The following PRDM10 variants were observed in gnomAD, a reference collection of about 807,000 sequenced individuals.
PRDM10 encodes PR domain zinc finger protein 10.
Under a neutral mutation model 133.1 loss-of-function variants are expected in PRDM10, and 65 were observed. The ratio of observed to expected loss-of-function variants is 0.49; its 90% CI spans 0.40 to 0.60. PRDM10 has a LOEUF of 0.60. Ranked by LOEUF, PRDM10 falls within the 20% of genes least tolerant of loss-of-function variation. The pLI is 0.00. For missense variants in PRDM10, 1,137 were observed against 1,507.1 expected, an observed-to-expected ratio of 0.75 and a Z score of 4.07; for synonymous variants, 582 against 580.4, an observed-to-expected ratio of 1.00 and a Z score of -0.04.
intron 3 of PRDM10, among the ~76,000 whole-genome samples, chr11:129,956,305 C>T (rs767060382): frequency 1.2e-4 from 19 of 152,196 alleles, no homozygotes; most frequent in Non-Finnish European, 1.8e-4. Context: ...CGGTGACTCA[C>T]GCCTGTAATC....
chr11:129,976,836 C>G (rs993800803), intron 1 of PRDM10, among the ~76,000 whole-genome samples: 2 of 151,996 alleles, frequency 1.3e-5, no homozygotes, highest in African/African-American at 4.8e-5. Context: ...CAAAATAATA[C>G]AAATTCCAGC....
At chr11:129,917,724 G>A (rs1950401420) in intron 14 of PRDM10, among the ~76,000 whole-genome samples, 1 of 152,244 alleles carries the variant, frequency 6.6e-6, no homozygotes, top group African/African-American at 2.4e-5. Flanking sequence ...AATGAGTTGA[G>A]AGCAGAGCAC....
rs1950643666 is a variant in PRDM10 at position 129,925,312 on chromosome 11, T to C, written c.1531-83A>G. 3.1e-6 allele frequency: 4 copies of C among 1,281,130 alleles called. No homozygotes were observed. The South Asian group carries it at 4.4e-5, about 14-fold the overall frequency. 79.4% of individuals were successfully genotyped at this position (1,281,130 alleles called of 1,614,324 possible). On this transcript the variant is annotated intron_variant, in intron 11 of 20. Coordinates refer to ENST00000360871, the MANE Select transcript of PRDM10 (RefSeq NM_199437.2). ...CACACTTTTACAGAGAAAGAGAGGA[T>C]GATCTCTGCAATCACAGACTTCCCA...
chr11:129,907,514 C>T (rs1783918), intron 19 of PRDM10, among the ~76,000 whole-genome samples: 19,344 of 152,020 alleles, frequency 0.13, 1,321 homozygotes, highest in Middle Eastern at 0.17. Context: ...AAGCGATTCT[C>T]CTGCCTTGGC....
At position 129,972,942 on chromosome 11, in the gene PRDM10, G is replaced by A. The variant is rs554240800; in HGVS notation, c.-118-11860C>T. On this transcript the variant is annotated intron_variant, in intron 1 of 20. Coordinates refer to ENST00000360871, the MANE Select transcript of PRDM10 (RefSeq NM_199437.2). ...TCGTCCTTCAAAAACCCAGGCCTTTGAAGGTGGTCCCCTGGCAAGAGACGA... is the reference window on the plus strand; with the variant it reads ...TCGTCCTTCAAAAACCCAGGCCTTTAAAGGTGGTCCCCTGGCAAGAGACGA... Among the ~76,000 whole-genome samples the A allele has an allele frequency of 1.4e-4, 21 of 152,296 alleles. No homozygotes were observed. The East Asian group carries it at 4.0e-3, about 29-fold the overall frequency.
At position 129,942,545 on chromosome 11, in the gene PRDM10, A is replaced by G; in HGVS notation, c.847T>C (p.Trp283Arg). 1 of 1,613,704 alleles carries G rather than the reference A, an allele frequency of 6.2e-7. No individual in the cohort carries two copies. The change falls in exon 7 of 21, where the codon TGG becomes CGG. Residue 283 changes from tryptophan to arginine, a missense_variant. Transcript: ENST00000360871. ...TGGGCTGGCCGTACAAACATCATCC[A>G]GTTACAAAGCGTCTCATCAGACAAC... is the stretch of plus-strand genomic sequence containing the variant. ...FELSDETLCN[W>R]MMFVRPAQNH...
chr11:129,992,784 T>C (rs559302460), intron 1 of PRDM10, among the ~76,000 whole-genome samples: 1 of 152,350 alleles, frequency 6.6e-6, no homozygotes, highest in East Asian at 1.9e-4. Flanking sequence ...CAGCATTCTT[T>C]TAGGAACTGA....
chr11:129,989,704 C>T (rs1009191186), intron 1 of PRDM10, among the ~76,000 whole-genome samples: 1 of 152,148 alleles, frequency 6.6e-6, no homozygotes, highest in African/African-American at 2.4e-5. Flanking sequence ...TCAATAAACC[C>T]ATGTGCTTTA....
rs1949836356 is a variant in PRDM10, at chr11:129,901,244, T to G, written c.*1069A>C. 1.3e-5 allele frequency: 2 copies of G among 152,650 alleles called. No individual in the cohort carries two copies. Among genetic ancestry groups the G allele is most frequent in the Admixed American group, 1.3e-4 (2 of 15,284 alleles). 9.5% of individuals were successfully genotyped at this position (152,650 alleles called of 1,614,324 possible). On this transcript the variant is annotated 3_prime_UTR_variant, in exon 21 of 21. Transcript: ENST00000360871. ...ATTAAAAGGTCTAGATGAGTCACAA[T>G]ATGTTTAAAGTTAAAAATGTTAATA...
At chr11:129,983,525 C>T (rs946192826) in intron 1 of PRDM10, among the ~76,000 whole-genome samples, 30 of 151,624 alleles carry the variant, frequency 2.0e-4, no homozygotes, top group African/African-American at 6.8e-4. Flanking sequence ...CTCTCGATCT[C>T]CTGACCTTGT....
At chr11:129,982,138 G>A (rs1455374908) in intron 1 of PRDM10, among the ~76,000 whole-genome samples, 3 of 150,364 alleles carry the variant, frequency 2.0e-5, no homozygotes, top group Non-Finnish European at 3.0e-5. Context: ...ATGTGCCTGT[G>A]ATCCCAGCTA....
chr11:129,967,599 A>G (rs1264001869), intron 1 of PRDM10, among the ~76,000 whole-genome samples: 1 of 152,210 alleles, frequency 6.6e-6, no homozygotes, highest in African/African-American at 2.4e-5. Context: ...AACATCAAAC[A>G]CATTTTTTAG....
intron 1 of PRDM10, among the ~76,000 whole-genome samples, chr11:129,976,434 G>A (rs535882076): frequency 7.9e-5 from 12 of 152,290 alleles, no homozygotes; most frequent in East Asian, 5.8e-4. Flanking sequence ...AGTGCTTACC[G>A]TGTGCTAGGC....
At chr11:129,951,780 T>C (rs373949486) in intron 4 of PRDM10, among the ~76,000 whole-genome samples, 4 of 152,160 alleles carry the variant, frequency 2.6e-5, no homozygotes, top group African/African-American at 9.7e-5. Flanking sequence ...CATGTTCATT[T>C]TCAAAAACAA....
At chr11:129,922,047 C>A (rs1204395425) in intron 13 of PRDM10, among the ~76,000 whole-genome samples, 1 of 152,096 alleles carries the variant, frequency 6.6e-6, no homozygotes, top group African/African-American at 2.4e-5. Context: ...CTTCCGACCT[C>A]CCAGCTTCTC....
At chr11:129,969,745 T>C (rs1278230513) in intron 1 of PRDM10, among the ~76,000 whole-genome samples, 20 of 152,004 alleles carry the variant, frequency 1.3e-4, no homozygotes, top group Admixed American at 1.3e-3. Context: ...AGGCAGAGGT[T>C]GCAGTGAGCT....
intron 6 of PRDM10, among the ~76,000 whole-genome samples, chr11:129,944,384 G>A (rs1420358925): frequency 1.3e-5 from 2 of 151,520 alleles, no homozygotes; most frequent in Non-Finnish European, 2.9e-5. Context: ...CACGAGGTCA[G>A]GAGATCGAGA....
chr11:129,974,068 T>C (rs1375711307), intron 1 of PRDM10, among the ~76,000 whole-genome samples: 1 of 152,224 alleles, frequency 6.6e-6, no homozygotes, highest in Admixed American at 6.5e-5. Context: ...GCAGCTGACC[T>C]GGTACGAATT....
chr11:129,932,231 T>C lies in PRDM10; in HGVS notation c.1158A>G (p.Arg386=), dbSNP rs1398679194. ...SHDEKLDVFS[R]TRGRGRGRGK... The stretch of plus-strand genomic sequence containing the variant: ...CTCGTCCCCTTCCTCTGCCTCTTGT[T>C]CTGGGGACAAGAGATTGGGTTACAG... The change falls in exon 10 of 21, where the codon AGA becomes AGG. Residue 386 remains arginine (R), a splice_region_variant and synonymous_variant. Coordinates refer to ENST00000360871, the MANE Select transcript of PRDM10 (RefSeq NM_199437.2). 6.2e-7 allele frequency: 1 copy of C among 1,613,994 alleles called. No homozygotes were observed. Among genetic ancestry groups the C allele is most frequent in the Admixed American group, 1.7e-5 (1 of 60,008 alleles).
Sources: gnomAD v4.1 joint callset for allele counts (sites outside exome capture counted in the v4.1 genomes callset) on GRCh38, gnomAD v4.1.1 for gene constraint, MANE v1.5 for transcripts, NCBI Gene and HGNC (gene_info 2026-07-23, HGNC 2026-07-21) for gene names.